The following SGCD variants were observed in gnomAD, a reference collection of about 807,000 sequenced individuals.
SGCD encodes sarcoglycan delta, also known as delta-sarcoglycan.
SGCD carries 18 observed loss-of-function variants against 36.6 expected under a neutral mutation model. The observed-to-expected ratio is 0.49, with a 90% CI of 0.34 to 0.73. SGCD has a LOEUF of 0.73. Among genes scored for constraint, SGCD ranks in the 30% least tolerant of loss-of-function variants. The pLI is 0.01. For missense variants in SGCD, 387 were observed against 346.7 expected, an observed-to-expected ratio of 1.12 and a Z score of -0.92; for synonymous variants, 133 against 130.6, an observed-to-expected ratio of 1.02 and a Z score of -0.12.
At chr5:155,791,317 C>T in the SGCD span, among the ~76,000 whole-genome samples, 10 of 152,052 alleles carry the variant, frequency 6.6e-5, no homozygotes, top group Non-Finnish European at 1.2e-4. Flanking sequence ...TACAGCCTGT[C>T]AGAAGCTAGA....
intron 3 of SGCD, among the ~76,000 whole-genome samples, chr5:156,490,756 A>G (rs1001731565): frequency 8.5e-5 from 13 of 152,278 alleles, no homozygotes; most frequent in African/African-American, 3.1e-4. Context: ...CTCATGCTGA[A>G]TAGGGAAAAG....
At chr5:156,090,027 G>T (rs932294075) in intron 1 of SGCD, among the ~76,000 whole-genome samples, 2 of 152,108 alleles carry the variant, frequency 1.3e-5, no homozygotes, top group African/African-American at 2.4e-5. Flanking sequence ...GAATATGAAG[G>T]TCCCTGACAT....
chr5:156,614,561 C>T (rs77177982), intron 6 of SGCD, among the ~76,000 whole-genome samples: 5,399 of 152,276 alleles, frequency 0.035, 313 homozygotes, highest in African/African-American at 0.12. Context: ...TTTACTAAGT[C>T]TTCTTTCACC....
At chr5:156,169,521 A>G (rs991530411) in intron 3 of SGCD, among the ~76,000 whole-genome samples, 3 of 152,216 alleles carry the variant, frequency 2.0e-5, no homozygotes, top group African/African-American at 7.2e-5. Flanking sequence ...AAAATTGAGT[A>G]TCTCCTTTAA....
At chr5:156,742,254 CA>C (rs1561890658) in intron 7 of SGCD, among the ~76,000 whole-genome samples, 1 of 152,142 alleles carries the variant, frequency 6.6e-6, no homozygotes, top group African/African-American at 2.4e-5. Context: ...CAACCACAAT[CA>C]AATACACCTC....
the SGCD span, among the ~76,000 whole-genome samples, chr5:155,769,189 G>T: frequency 6.6e-6 from 1 of 152,048 alleles, no homozygotes; most frequent in Non-Finnish European, 1.5e-5. Context: ...ATATTACATT[G>T]TTTGTGTAAA....
intron 7 of SGCD, among the ~76,000 whole-genome samples, chr5:156,695,503 A>AGATG (rs1561861834): frequency 6.4e-5 from 7 of 109,812 alleles, no homozygotes; most frequent in African/African-American, 4.1e-4. Context: ...ATAGATAGAT[A>AGATG]GATAGATGGA....
At chr5:156,156,226 A>G (rs567365678) in intron 3 of SGCD, among the ~76,000 whole-genome samples, 1 of 151,724 alleles carries the variant, frequency 6.6e-6, no homozygotes, top group South Asian at 2.1e-4. Context: ...AAGAGAGAGC[A>G]TTGCAAAGAG....
At chr5:156,757,939 A>G in intron 8 of SGCD, 1 of 1,284,060 alleles carries the variant, frequency 7.8e-7, no homozygotes, top group Non-Finnish European at 9.9e-7. Context: ...TTCCAAGTAC[A>G]GAATTATATG....
intron 1 of SGCD, among the ~76,000 whole-genome samples, chr5:155,881,310 A>G (rs1755879094): frequency 6.6e-6 from 1 of 151,728 alleles, no homozygotes; most frequent in East Asian, 1.9e-4. Flanking sequence ...AAATAAATAA[A>G]TAAATAAATA....
chr5:156,034,869 C>T (rs1759449843), intron 1 of SGCD, among the ~76,000 whole-genome samples: 1 of 152,136 alleles, frequency 6.6e-6, no homozygotes, highest in Admixed American at 6.5e-5. Flanking sequence ...GTCATAGGAT[C>T]CAATGAAAAC....
At chr5:156,498,902 G>T (rs1756320936) in intron 3 of SGCD, among the ~76,000 whole-genome samples, 1 of 151,558 alleles carries the variant, frequency 6.6e-6, no homozygotes, top group South Asian at 2.1e-4. Flanking sequence ...GAAAGTACAT[G>T]ATATTTCCAG....
At chr5:156,012,491 G>A (rs1229699672) in intron 1 of SGCD, among the ~76,000 whole-genome samples, 4 of 152,170 alleles carry the variant, frequency 2.6e-5, no homozygotes, top group African/African-American at 9.7e-5. Flanking sequence ...AGTGAAGTCA[G>A]TGATGACATT....
At chr5:155,952,309 C>T (rs1757563447) in intron 1 of SGCD, among the ~76,000 whole-genome samples, 1 of 152,052 alleles carries the variant, frequency 6.6e-6, no homozygotes, top group South Asian at 2.1e-4. Context: ...TACTGACATG[C>T]ATTATACTGC....
intron 3 of SGCD, among the ~76,000 whole-genome samples, chr5:156,462,301 C>CT (rs1256634433): frequency 1.3e-5 from 2 of 152,170 alleles, no homozygotes; most frequent in South Asian, 2.1e-4. Flanking sequence ...TTAACCAAGA[C>CT]TATGTGCATG....
rs1022186088 is a variant in SGCD, at chr5:156,760,290, T to G, written c.*900T>G. The G allele has an allele frequency of 1.3e-5, 2 of 152,178 alleles. No homozygotes were observed. Among genetic ancestry groups the G allele is most frequent in the African/African-American group, 2.4e-5 (1 of 41,438 alleles). 9.4% of individuals were successfully genotyped at this position (152,178 alleles called of 1,614,324 possible). On this transcript the variant is annotated 3_prime_UTR_variant, in exon 9 of 9. Coordinates refer to ENST00000337851, the MANE Select transcript of SGCD (RefSeq NM_000337.6). Reference sequence around the variant, plus strand: ...CACTTCTGACTTTAACCAAAAGATTTCAACCCACAATGATCAGGTCAATCA... The same window carrying G: ...CACTTCTGACTTTAACCAAAAGATTGCAACCCACAATGATCAGGTCAATCA...
intron 6 of SGCD, among the ~76,000 whole-genome samples, chr5:156,625,800 T>A (rs1416474942): frequency 6.6e-6 from 1 of 152,228 alleles, no homozygotes; most frequent in Non-Finnish European, 1.5e-5. Context: ...GACATATGTC[T>A]AGGTTGTTTG....
intron 1 of SGCD, among the ~76,000 whole-genome samples, chr5:155,930,477 C>A (rs1757078645): frequency 6.6e-6 from 1 of 152,166 alleles, no homozygotes; most frequent in Admixed American, 6.5e-5. Context: ...GAAAAACACA[C>A]AATAGGTTCT....
intron 7 of SGCD, among the ~76,000 whole-genome samples, chr5:156,748,832 G>A (rs550523722): frequency 6.6e-6 from 1 of 152,154 alleles, no homozygotes; most frequent in South Asian, 2.1e-4. Flanking sequence ...TCGCTCTGTT[G>A]CCCAGCCTGG....
Sources: gnomAD v4.1 joint callset for allele counts (sites outside exome capture counted in the v4.1 genomes callset) on GRCh38, gnomAD v4.1.1 for gene constraint, MANE v1.5 for transcripts, NCBI Gene and HGNC (gene_info 2026-07-23, HGNC 2026-07-21) for gene names.